CYFIP1: variants seen among roughly 807,000 people sequenced by gnomAD.
CYFIP1 encodes the protein cytoplasmic FMR1-interacting protein 1.
In CYFIP1, 58 loss-of-function variants were observed where a neutral mutation model predicts 163.5. The observed-to-expected ratio is 0.35, with a 90% CI of 0.29 to 0.44. CYFIP1 has a LOEUF of 0.44. CYFIP1 is among the 20% of genes least tolerant of loss of function. The probability of loss-of-function intolerance (pLI) is 1.00; values close to 1 mark genes in which losing one functional copy is unlikely to be tolerated. For synonymous variants in CYFIP1, 663 were observed against 660.7 expected, an observed-to-expected ratio of 1.00 and a Z score of -0.05; for missense variants, 1,338 against 1,653.8, an observed-to-expected ratio of 0.81 and a Z score of 3.31.
At chr15:22,915,168 T>C (rs1438312740) in intron 16 of CYFIP1, 2 of 279,618 alleles carry the variant, frequency 7.2e-6, no homozygotes, top group African/African-American at 2.2e-5. Context: ...TCTCACTCTG[T>C]CACCCAGGCT....
In CYFIP1 at chr15:22,943,300, T is replaced by A. The variant is rs2061951178; in HGVS notation, c.442A>T (p.Arg148Trp). ...GCTTCTGACACGAAGTCCTTCCTCC[T>A]CTCGGCATGGCACAGGCGCCTCACT... Reference protein sequence around the residue: ...GEVRRLCHAERRKDFVSEAYL... With the variant: ...GEVRRLCHAEWRKDFVSEAYL... The change falls in exon 6 of 31, where the codon AGG becomes TGG. Residue 148 changes from arginine to tryptophan, a missense_variant. Arg to Trp is a moderately radical substitution (Grantham distance 101, BLOSUM62 -3). Transcript: ENST00000617928. 6.2e-7 allele frequency: 1 copy of A among 1,614,198 alleles called. No individual in the cohort carries two copies. Among genetic ancestry groups the A allele is most frequent in the East Asian group, 2.2e-5 (1 of 44,894 alleles).
At chr15:22,928,385 AAAAT>A (rs1371999460) in intron 11 of CYFIP1, among the ~76,000 whole-genome samples, 1 of 144,898 alleles carries the variant, frequency 6.9e-6, no homozygotes, top group African/African-American at 2.5e-5. Flanking sequence ...TCCGTCTCAA[AAAAT>A]AATAAATAAA....
Position 22,868,362 on chromosome 15 carries a change from AAAT to A in CYFIP1, c.*1663_*1665del, listed in dbSNP as rs71307300. 2 of 151,954 alleles carry A rather than the reference AAAT, an allele frequency of 1.3e-5. No individual in the cohort carries two copies. The highest frequency in any genetic ancestry group is 1.9e-4 in the East Asian group (1 of 5,202). The allele number at this position is 151,954 out of a possible 1,614,324, so 9.4% of individuals were successfully genotyped here. A position where few individuals can be genotyped will look rare whatever the true frequency, so the allele number is the denominator to read the frequency against. On this transcript the variant is annotated 3_prime_UTR_variant, in exon 31 of 31. Coordinates refer to ENST00000617928, the MANE Select transcript of CYFIP1 (RefSeq NM_014608.6). The stretch of plus-strand genomic sequence containing the variant: ...CTCATTTGAACATGCATAGGTTAAT[AAAT>A]AATAAATTCTTATTTAACATTTTGT...
intron 9 of CYFIP1, among the ~76,000 whole-genome samples, chr15:22,934,248 G>A (rs565890233): frequency 1.5e-5 from 2 of 137,286 alleles, no homozygotes; most frequent in African/African-American, 2.7e-5. Flanking sequence ...GTGCAGTGGC[G>A]TGATCTCGGC....
intron 21 of CYFIP1, among the ~76,000 whole-genome samples, chr15:22,908,592 C>T (rs2060669774): frequency 7.8e-6 from 1 of 128,406 alleles, no homozygotes; most frequent in Non-Finnish European, 1.5e-5. Flanking sequence ...TGCAGTGGCG[C>T]GATCTGGGCT....
intron 20 of CYFIP1, among the ~76,000 whole-genome samples, chr15:22,909,704 AACATC>A (rs1303136382): frequency 6.6e-6 from 1 of 152,142 alleles, no homozygotes; most frequent in African/African-American, 2.4e-5. Context: ...TGTGTAATGT[AACATC>A]ACTTTTAATT....
chr15:22,967,152 G>A (rs999720044), intron 1 of CYFIP1, among the ~76,000 whole-genome samples: 16 of 152,304 alleles, frequency 1.1e-4, no homozygotes, highest in African/African-American at 2.6e-4. Flanking sequence ...GTTGGGACAC[G>A]GGACAAGGAG....
chr15:22,887,270 G>T (rs1403956063), intron 23 of CYFIP1, among the ~76,000 whole-genome samples: 1 of 152,174 alleles, frequency 6.6e-6, no homozygotes, highest in Non-Finnish European at 1.5e-5. Context: ...TTACAGTGAC[G>T]AGATTAGACA....
At chr15:22,907,586 T>G (rs988523626) in intron 21 of CYFIP1, among the ~76,000 whole-genome samples, 3 of 152,178 alleles carry the variant, frequency 2.0e-5, no homozygotes, top group Non-Finnish European at 4.4e-5. Context: ...ATGCACACTG[T>G]AAACCCTCCC....
intron 10 of CYFIP1, among the ~76,000 whole-genome samples, 162 bp from the exon 11 acceptor site, chr15:22,932,502 C>A (rs371030740): frequency 6.6e-6 from 1 of 152,172 alleles, no homozygotes; most frequent in African/African-American, 2.4e-5. Context: ...CGAAGGAGAC[C>A]ACCTGTGGCC....
chr15:22,950,043 A>G (rs1595687397), intron 1 of CYFIP1, among the ~76,000 whole-genome samples: 1 of 152,236 alleles, frequency 6.6e-6, no homozygotes, highest in African/African-American at 2.4e-5. Context: ...AGAATAAATT[A>G]AAACAGAATA....
At chr15:22,930,421 C>T (rs927617772) in intron 11 of CYFIP1, among the ~76,000 whole-genome samples, 7 of 148,002 alleles carry the variant, frequency 4.7e-5, no homozygotes, top group Admixed American at 6.7e-5. Context: ...AACTGTACTC[C>T]GAAAAAAACT....
In CYFIP1 at chr15:22,922,486, C is replaced by A. The variant is rs777389143; in HGVS notation, c.1359+3496G>T. ...TCTGGACTCCACTCCTGTGCCTTTT[C>A]CCTTTGCTGATCTGACTCTGTCTTT... is the stretch of plus-strand genomic sequence containing the variant. On this transcript the variant is annotated intron_variant, in intron 13 of 30. Transcript: ENST00000617928. 7.9e-5 allele frequency among the ~76,000 whole-genome samples: 12 copies of A among 152,192 alleles called. 1 individual carries two copies. Among genetic ancestry groups the A allele is most frequent in the African/African-American group, 2.9e-4 (12 of 41,446 alleles).
chr15:22,972,037 AAAAG>A (rs1477654155), intron 1 of CYFIP1, among the ~76,000 whole-genome samples: 1 of 152,234 alleles, frequency 6.6e-6, no homozygotes, highest in Non-Finnish European at 1.5e-5. Context: ...TGCAAATAGA[AAAAG>A]AAATCCTAAA....
rs1566895915 is a variant in CYFIP1, at chr15:22,868,284, C to A, written c.*1744G>T. 6.6e-6 allele frequency: 1 copy of A among 152,206 alleles called. No homozygotes were observed. The highest frequency in any genetic ancestry group is 1.5e-5 in the Non-Finnish European group (1 of 68,038). The allele number at this position is 152,206 out of a possible 1,614,324, so 9.4% of individuals were successfully genotyped here. On this transcript the variant is annotated 3_prime_UTR_variant, in exon 31 of 31. Transcript: ENST00000617928. ...CGTATCTGTTTATATACTGTACCTA[C>A]ATCTGTGCTTTGTACATAAAAGAAC...
chr15:22,884,425 G>C (rs2059873790), intron 23 of CYFIP1, among the ~76,000 whole-genome samples: 1 of 152,180 alleles, frequency 6.6e-6, no homozygotes, highest in Non-Finnish European at 1.5e-5. Context: ...AAGTCCAGTG[G>C]GGCAGTCATT....
chr15:22,870,727 A>AT (rs767947407), intron 30 of CYFIP1, among the ~76,000 whole-genome samples: 1 of 152,282 alleles, frequency 6.6e-6, no homozygotes, highest in East Asian at 1.9e-4. Context: ...TGATAGGCCT[A>AT]TTCCTTCCAC....
At chr15:22,928,644 T>C (rs565757007) in intron 11 of CYFIP1, among the ~76,000 whole-genome samples, 1 of 152,158 alleles carries the variant, frequency 6.6e-6, no homozygotes, top group Admixed American at 6.5e-5. Flanking sequence ...GTGGGTTTGC[T>C]TCTATCAAAT....
At chr15:22,948,513 C>A (rs1016656437) in intron 1 of CYFIP1, among the ~76,000 whole-genome samples, 2 of 152,076 alleles carry the variant, frequency 1.3e-5, no homozygotes, top group African/African-American at 4.8e-5. Flanking sequence ...TTAACAAGAC[C>A]CAGATCTCAT....
Sources: allele counts gnomAD v4.1 joint callset (sites outside exome capture counted in the v4.1 genomes callset), GRCh38; gene constraint gnomAD v4.1.1; transcripts MANE v1.5; gene names NCBI Gene and HGNC (gene_info 2026-07-23, HGNC 2026-07-21).